The following SYNPO2 variants were observed in gnomAD, a reference collection of about 807,000 sequenced individuals.
The protein encoded by SYNPO2 is synaptopodin-2.
SYNPO2 carries 56 observed loss-of-function variants against 85.0 expected under a neutral mutation model. The ratio of observed to expected loss-of-function variants is 0.66; its 90% CI spans 0.53 to 0.82. The LOEUF is 0.82. Among genes scored for constraint, SYNPO2 ranks in the 40% least tolerant of loss-of-function variants. The pLI, the probability that SYNPO2 is intolerant of heterozygous loss-of-function variation, is 0.00. For missense variants in SYNPO2, 1,575 were observed against 1,534.2 expected (o/e 1.03, Z -0.44); for synonymous variants, 602 against 591.1 (o/e 1.02, Z -0.27).
chr4:118,886,681 T>A (rs1732204873), upstream of SYNPO2, among the ~76,000 whole-genome samples: 1 of 152,242 alleles, frequency 6.6e-6, no homozygotes, highest in South Asian at 2.1e-4. Flanking sequence ...TGGTTCCAAG[T>A]CTTTGCTATT....
At chr4:118,924,025 A>G (rs1280196167) in intron 1 of SYNPO2, among the ~76,000 whole-genome samples, 4 of 152,170 alleles carry the variant, frequency 2.6e-5, no homozygotes, top group Admixed American at 2.6e-4. Context: ...TTGTGTTTCA[A>G]TACATATGTA....
intron 1 of SYNPO2, among the ~76,000 whole-genome samples, chr4:118,916,698 T>A (rs1733336291): frequency 6.6e-6 from 1 of 151,268 alleles, no homozygotes; most frequent in Non-Finnish European, 1.5e-5. Flanking sequence ...GCTTTCTTTT[T>A]CTTCTTCCTC....
In SYNPO2 at chr4:118,978,605, A is replaced by G. The variant is rs780905034; in HGVS notation, c.106-44825A>G. 1.4e-3 allele frequency among the ~76,000 whole-genome samples: 215 copies of G among 152,314 alleles called. 5 individuals are homozygous for G. The highest frequency in any genetic ancestry group is 4.7e-4 in the Non-Finnish European group (32 of 68,020). On this transcript the variant is annotated intron_variant, in intron 1 of 4. Coordinates refer to ENST00000307142, the MANE Select transcript of SYNPO2 (RefSeq NM_133477.3). ...TCCAATGGATTTTCCACTTGTCCCAATGATTTCCTGAAACGGAAAAACATT... is the reference window on the plus strand; with the variant it reads ...TCCAATGGATTTTCCACTTGTCCCAGTGATTTCCTGAAACGGAAAAACATT...
In SYNPO2 at chr4:119,012,393, T is replaced by TTA. The variant is rs1553946399; in HGVS notation, c.106-11037_106-11036insTA. On this transcript the variant is annotated intron_variant, in intron 1 of 4. Transcript: ENST00000307142. ...CCCTTTTCTTTTTTTTTTTTTTTTTTATTTTACTTTAAGTTCTGGGATACA... is the reference window on the plus strand; with the variant it reads ...CCCTTTTCTTTTTTTTTTTTTTTTTTTAATTTTACTTTAAGTTCTGGGATACA... Among the ~76,000 whole-genome samples, 1,204 of 130,818 alleles carry TTA rather than the reference T, an allele frequency of 9.2e-3. 12 individuals are homozygous for TTA. Among genetic ancestry groups the TTA allele is most frequent in the African/African-American group, 0.03 (1,084 of 36,358 alleles). The allele number at this position is 130,818 out of a possible 152,430, so 85.8% of individuals were successfully genotyped here. A position where few individuals can be genotyped will look rare whatever the true frequency, so the allele number is the denominator to read the frequency against.
chr4:118,917,638 C>T (rs1733386329), intron 1 of SYNPO2, among the ~76,000 whole-genome samples: 2 of 130,158 alleles, frequency 1.5e-5, no homozygotes, highest in African/African-American at 5.8e-5. Flanking sequence ...TGGTTTCATG[C>T]TATGTAAATA....
At chr4:118,986,108 A>T (rs1440959004) in intron 1 of SYNPO2, among the ~76,000 whole-genome samples, 1 of 151,856 alleles carries the variant, frequency 6.6e-6, no homozygotes, top group Non-Finnish European at 1.5e-5. Flanking sequence ...AAAATCCCCA[A>T]CCCCCAGCAT....
intron 1 of SYNPO2, among the ~76,000 whole-genome samples, chr4:118,957,053 T>TA (rs1012457312): frequency 6.8e-6 from 1 of 146,556 alleles, no homozygotes; most frequent in African/African-American, 2.6e-5. Context: ...TCAAAAAAAA[T>TA]AAAAAAAATA....
chr4:118,876,673 CTTTCTTTCTTTCTTTCTTTCTTTCTT>C (rs1731921909), intron 1 of SYNPO2, among the ~76,000 whole-genome samples: 1 of 5,726 alleles, frequency 1.7e-4, no homozygotes, highest in Non-Finnish European at 3.8e-4. Context: ...CTTTCTCTTT[CTTTCTTTCTTTCTTTCTTTCTTTCTT>C]TCTTTCTTTC....
chr4:119,057,735 G>C lies in SYNPO2; in HGVS notation c.3587G>C (p.Arg1196Thr). The C allele has an allele frequency of 6.2e-7, 1 of 1,614,144 alleles. No homozygotes were observed. Among genetic ancestry groups the C allele is most frequent in the Non-Finnish European group, 8.5e-7 (1 of 1,180,038 alleles). Residue 1196 changes from arginine (R) to threonine (T), a missense_variant, in exon 5 of 5, where the codon AGG becomes ACG. Coordinates refer to ENST00000307142, the MANE Select transcript of SYNPO2 (RefSeq NM_133477.3). ...TQKAYMGSCG[R>T]QEYNVTANNN... is the part of the protein sequence containing the mutation. ...AAGGCCTATATGGGCTCATGTGGAA[G>C]GCAAGAGTATAATGTCACAGCCAAT...
At chr4:118,925,374 A>G (rs1385766074) in intron 1 of SYNPO2, among the ~76,000 whole-genome samples, 1 of 152,162 alleles carries the variant, frequency 6.6e-6, no homozygotes, top group South Asian at 2.1e-4. Flanking sequence ...TCAAAAGCCC[A>G]GCTGACTTGG....
intron 1 of SYNPO2, among the ~76,000 whole-genome samples, chr4:118,977,088 C>G (rs771474607): frequency 8.5e-5 from 13 of 152,212 alleles, no homozygotes; most frequent in Non-Finnish European, 1.8e-4. Flanking sequence ...GACTGGGCGC[C>G]GTGGAGCAGG....
intron 1 of SYNPO2, among the ~76,000 whole-genome samples, chr4:118,928,159 A>C (rs1578558528): frequency 6.6e-6 from 1 of 152,220 alleles, no homozygotes; most frequent in East Asian, 1.9e-4. Context: ...AAGTAGGCAC[A>C]ATAAATTAGA....
intron 1 of SYNPO2, among the ~76,000 whole-genome samples, chr4:118,950,617 T>C (rs1578578562): frequency 6.6e-6 from 1 of 152,156 alleles, no homozygotes; most frequent in East Asian, 1.9e-4. Context: ...TCTTGGAGTG[T>C]CAGAGCCAGG....
chr4:118,933,074 A>G (rs1187994389), intron 1 of SYNPO2, among the ~76,000 whole-genome samples: 1 of 152,202 alleles, frequency 6.6e-6, no homozygotes, highest in Non-Finnish European at 1.5e-5. Flanking sequence ...AAAATATTTT[A>G]TGTCAATGAT....
In SYNPO2 at chr4:119,059,445, T is replaced by C. The variant is rs1275086829; in HGVS notation, c.*1511T>C. 6.6e-6 allele frequency: 1 copy of C among 152,200 alleles called. No homozygotes were observed. Among genetic ancestry groups the C allele is most frequent in the South Asian group, 2.1e-4 (1 of 4,834 alleles). 9.4% of individuals were successfully genotyped at this position (152,200 alleles called of 1,614,324 possible). The stretch of plus-strand genomic sequence containing the variant: ...TCCCATGACACATGCCTTGTTAGCA[T>C]GCCCATCAAATAATCAGATCAAACA... On this transcript the variant is annotated 3_prime_UTR_variant, in exon 5 of 5. Coordinates refer to ENST00000307142, the MANE Select transcript of SYNPO2 (RefSeq NM_133477.3).
chr4:119,034,376 G>T (rs1452948094), intron 4 of SYNPO2: 8 of 975,448 alleles, frequency 8.2e-6, no homozygotes, highest in Non-Finnish European at 9.7e-6. Context: ...TAGTGGTGTG[G>T]TATGCAGGAA....
chr4:118,984,411 C>G (rs974247812), intron 1 of SYNPO2, among the ~76,000 whole-genome samples: 1 of 152,106 alleles, frequency 6.6e-6, no homozygotes, highest in African/African-American at 2.4e-5. Context: ...GCTCAAAATC[C>G]TACACACATT....
chr4:119,006,316 G>A (rs1015746483), intron 1 of SYNPO2: 4 of 152,164 alleles, frequency 2.6e-5, no homozygotes, highest in Admixed American at 1.3e-4. Flanking sequence ...ATTCTTTTAC[G>A]AGAACACAAA....
At chr4:119,039,360 A>G (rs1409342221) in intron 4 of SYNPO2, among the ~76,000 whole-genome samples, 2 of 152,312 alleles carry the variant, frequency 1.3e-5, no homozygotes, top group East Asian at 3.9e-4. Context: ...GTCACAGGTA[A>G]AAGGAACTGC....
Sources: gnomAD v4.1 joint callset for allele counts (sites outside exome capture counted in the v4.1 genomes callset) on GRCh38, gnomAD v4.1.1 for gene constraint, MANE v1.5 for transcripts, NCBI Gene and HGNC (gene_info 2026-07-23, HGNC 2026-07-21) for gene names.